The following PLEKHM3 variants were observed in gnomAD, a reference collection of about 807,000 sequenced individuals.
PLEKHM3 encodes pleckstrin homology domain-containing family M member 3.
Under a neutral mutation model 81.8 loss-of-function variants are expected in PLEKHM3, and 45 were observed. The observed-to-expected ratio is 0.55, with a 90% CI of 0.43 to 0.71. The LOEUF is 0.71. Ranked by LOEUF, PLEKHM3 falls within the 30% of genes least tolerant of loss-of-function variation. The probability of loss-of-function intolerance (pLI) is 0.00; values close to 1 mark genes in which losing one functional copy is unlikely to be tolerated. For missense variants in PLEKHM3, 788 were observed against 924.3 expected (o/e 0.85, Z 1.91); for synonymous variants, 352 against 356.4 (o/e 0.99, Z 0.14).
chr2:207,937,150 T>C (rs1274039438), intron 4 of PLEKHM3, among the ~76,000 whole-genome samples: 1 of 152,142 alleles, frequency 6.6e-6, no homozygotes, highest in Non-Finnish European at 1.5e-5. Flanking sequence ...TCTGAAAGTA[T>C]ACTGTATTCA....
intron 6 of PLEKHM3, among the ~76,000 whole-genome samples, chr2:207,895,661 C>T (rs540252365): frequency 6.6e-6 from 1 of 152,300 alleles, no homozygotes; most frequent in Non-Finnish European, 1.5e-5. Flanking sequence ...TTAGCCCAAA[C>T]ACAAATGCCA....
chr2:207,908,466 C>T, intron 6 of PLEKHM3, 48 bp downstream of exon 6: 1 of 1,546,068 alleles, frequency 6.5e-7, no homozygotes, highest in Non-Finnish European at 8.9e-7. Context: ...AACAAAGAGA[C>T]TTCTCCAGGA....
intron 5 of PLEKHM3, among the ~76,000 whole-genome samples, chr2:207,923,901 A>ATTT (rs1422796438): frequency 4.4e-4 from 32 of 72,542 alleles, no homozygotes; most frequent in East Asian, 6.8e-4. Context: ...ATATATATAT[A>ATTT]TATATTTTTT....
intron 2 of PLEKHM3, among the ~76,000 whole-genome samples, chr2:207,988,715 G>T (rs918235028): frequency 6.6e-6 from 1 of 152,016 alleles, no homozygotes; most frequent in African/African-American, 2.4e-5. Context: ...CCCCCTTATG[G>T]CTGAACCCGT....
chr2:207,829,103 G>C (rs991813913), intron 7 of PLEKHM3, among the ~76,000 whole-genome samples: 1 of 152,110 alleles, frequency 6.6e-6, no homozygotes, highest in Admixed American at 6.6e-5. Context: ...TTTATAACAT[G>C]AGCGTGAACA....
intron 5 of PLEKHM3, among the ~76,000 whole-genome samples, chr2:207,916,477 CA>C (rs1351785258): frequency 2.0e-5 from 3 of 152,160 alleles, no homozygotes; most frequent in African/African-American, 7.2e-5. Flanking sequence ...CGGTGGCTCA[CA>C]TCTGTAATCC....
At chr2:207,899,042 A>C (rs1688334625) in intron 6 of PLEKHM3, among the ~76,000 whole-genome samples, 1 of 152,220 alleles carries the variant, frequency 6.6e-6, no homozygotes, top group Non-Finnish European at 1.5e-5. Flanking sequence ...TTTCCTCACA[A>C]AGATGGGTGT....
intron 4 of PLEKHM3, among the ~76,000 whole-genome samples, chr2:207,939,086 T>C (rs763352831): frequency 2.6e-5 from 4 of 152,200 alleles, no homozygotes; most frequent in Non-Finnish European, 4.4e-5. Context: ...AGGGCTCGGA[T>C]TGCCTCACTC....
chr2:207,828,584 G>A (rs1391617710), intron 7 of PLEKHM3, 88 bp from the exon 8 acceptor site: 8 of 1,268,560 alleles, frequency 6.3e-6, no homozygotes, highest in South Asian at 5.6e-5. Context: ...TGCAGCTGGT[G>A]GCACAATCTA....
At chr2:207,848,631 A>G (rs2092397045) in intron 7 of PLEKHM3, among the ~76,000 whole-genome samples, 2 of 152,260 alleles carry the variant, frequency 1.3e-5, no homozygotes, top group African/African-American at 4.8e-5. Context: ...TTTGAGTACA[A>G]TTAGGCATTT....
chr2:207,885,374 T>A (rs1687855601), intron 6 of PLEKHM3, among the ~76,000 whole-genome samples: 1 of 152,246 alleles, frequency 6.6e-6, no homozygotes, highest in African/African-American at 2.4e-5. Context: ...CCTGCTCTTC[T>A]AACTCTAGCT....
intron 1 of PLEKHM3, among the ~76,000 whole-genome samples, chr2:208,003,386 T>G (rs953620345): frequency 3.3e-5 from 5 of 152,188 alleles, no homozygotes; most frequent in Non-Finnish European, 7.4e-5. Context: ...TTGTAAAAAC[T>G]TCACAATTTT....
In PLEKHM3 at chr2:207,843,083, T is replaced by C. The variant is rs963208502; in HGVS notation, c.2109-14587A>G. 2.0e-5 allele frequency among the ~76,000 whole-genome samples: 3 copies of C among 152,180 alleles called. No homozygotes were observed. Among genetic ancestry groups the C allele is most frequent in the Middle Eastern group, 3.2e-3 (1 of 316 alleles). On this transcript the variant is annotated intron_variant, in intron 7 of 7. Coordinates refer to ENST00000427836, the MANE Select transcript of PLEKHM3 (RefSeq NM_001080475.3). This position sits in a 1 kb window ranked among gnomAD's most constrained non-coding sequence, Gnocchi z 4.4. ...CTCCCACCACAGCTACCAGTGTAGC[T>C]AAAGCTACGGGTGCACACCACCATA... is the stretch of plus-strand genomic sequence containing the variant.
At chr2:207,832,782 A>C (rs1575262643) in intron 7 of PLEKHM3, among the ~76,000 whole-genome samples, 1 of 139,542 alleles carries the variant, frequency 7.2e-6, no homozygotes, top group South Asian at 2.3e-4. Context: ...ACAGAGCGAG[A>C]CTCCCTCCCC....
At chr2:208,015,587 T>C (rs1247607229) in intron 1 of PLEKHM3, among the ~76,000 whole-genome samples, 1 of 152,208 alleles carries the variant, frequency 6.6e-6, no homozygotes, top group Non-Finnish European at 1.5e-5. Flanking sequence ...TCTAACTAAA[T>C]AGCTAACCTC....
rs1367319068 is a variant in PLEKHM3, at chr2:207,828,409, C to T, written c.2196G>A (p.Lys732=). The T allele has an allele frequency of 1.9e-6, 3 of 1,614,006 alleles. No individual in the cohort carries two copies. Among genetic ancestry groups the T allele is most frequent in the Non-Finnish European group, 2.5e-6 (3 of 1,180,046 alleles). Residue 732 remains lysine (K), a synonymous_variant, in exon 8 of 8, where the codon AAG becomes AAA. Coordinates refer to ENST00000427836, the MANE Select transcript of PLEKHM3 (RefSeq NM_001080475.3). ...GTCTCTGCCAGAAAGACTTCTGCTT[C>T]TTCTGCAGCTCTCGGCGAACACACC... The part of the protein sequence containing the change: ...CPRCVRRELQ[K]KQKSFWQRLN...
At position 207,964,968 on chromosome 2, in the gene PLEKHM3, A is replaced by C. The variant is rs1333676450; in HGVS notation, c.1546+11683T>G. ...ATATTAATGCAAGAAATAAGTTGGT[A>C]CTGCTATATTACTAGATTTCCTTAC... On this transcript the variant is annotated intron_variant, in intron 3 of 7. Coordinates refer to ENST00000427836, the MANE Select transcript of PLEKHM3 (RefSeq NM_001080475.3). 2.0e-5 allele frequency among the ~76,000 whole-genome samples: 3 copies of C among 152,202 alleles called. No homozygotes were observed. The East Asian group carries it at 5.8e-4, about 29-fold the overall frequency.
intron 2 of PLEKHM3, among the ~76,000 whole-genome samples, chr2:207,994,803 G>A (rs1692015518): frequency 6.6e-6 from 1 of 152,240 alleles, no homozygotes; most frequent in Admixed American, 6.5e-5. Context: ...GATGGAAATG[G>A]TGTTAACTAT....
At chr2:207,844,508 G>A (rs1279478509) in intron 7 of PLEKHM3, among the ~76,000 whole-genome samples, 2 of 150,136 alleles carry the variant, frequency 1.3e-5, no homozygotes, top group African/African-American at 4.9e-5. Flanking sequence ...GGGTTTCACC[G>A]TGTTAGCCAG....
Sources: gnomAD v4.1 joint callset for allele counts (sites outside exome capture counted in the v4.1 genomes callset) on GRCh38, gnomAD v4.1.1 for gene constraint, Gnocchi (gnomAD v3.1) non-coding constraint, MANE v1.5 for transcripts, NCBI Gene and HGNC (gene_info 2026-07-23, HGNC 2026-07-21) for gene names.